Variants in FTCDNL1 observed in about 807,000 individuals in gnomAD.
The protein encoded by FTCDNL1 is formiminotransferase cyclodeaminase N-terminal like.
A neutral mutation model predicts 5.9 loss-of-function variants in FTCDNL1; 11 were observed. The observed-to-expected ratio is 1.87, with a 90% CI of 1.18 to 3.10. The LOEUF (loss-of-function observed/expected upper bound fraction) is 3.10. Among genes scored for constraint, FTCDNL1 ranks in the 30% most tolerant of loss-of-function variants. The pLI is 0.00. For missense variants in FTCDNL1, 115 were observed against 65.5 expected, an observed-to-expected ratio of 1.76 and a Z score of -2.61; for synonymous variants, 58 against 24.8, an observed-to-expected ratio of 2.34 and a Z score of -3.99.
the FTCDNL1 span, among the ~76,000 whole-genome samples, chr2:199,698,793 G>A: frequency 6.6e-6 from 1 of 151,976 alleles, no homozygotes; most frequent in South Asian, 2.1e-4. Flanking sequence ...GAACAAAATG[G>A]GGCAAGAAAA....
chr2:199,666,970 G>A, the FTCDNL1 span, among the ~76,000 whole-genome samples: 1 of 151,416 alleles, frequency 6.6e-6, no homozygotes, highest in Non-Finnish European at 1.5e-5. Flanking sequence ...GCTTTTCCTT[G>A]GTGGAGTTTT....
chr2:199,803,094 TGAG>T (rs761210215), intron 3 of FTCDNL1, among the ~76,000 whole-genome samples: 1 of 146,942 alleles, frequency 6.8e-6, no homozygotes, highest in Non-Finnish European at 1.5e-5. Flanking sequence ...CTCGGGAGGC[TGAG>T]GTGCAAGGAT....
At chr2:199,786,006 G>A (rs1440449178) in intron 3 of FTCDNL1, among the ~76,000 whole-genome samples, 2 of 152,118 alleles carry the variant, frequency 1.3e-5, no homozygotes, top group East Asian at 1.9e-4. Context: ...AATAGAGTTC[G>A]TGCTCCTATT....
At position 199,803,459 on chromosome 2, in the gene FTCDNL1, TG is replaced by T. The variant is rs1277615122; in HGVS notation, c.211+42615del. Among the ~76,000 whole-genome samples the T allele has an allele frequency of 4.2e-4, 10 of 23,664 alleles. No individual in the cohort carries two copies. In the East Asian group the frequency reaches 0.033, roughly 78 times the overall value. The allele number at this position is 23,664 out of a possible 152,430, so 15.5% of individuals were successfully genotyped here. On this transcript the variant is annotated intron_variant, in intron 3 of 3. Coordinates refer to the FTCDNL1 transcript ENST00000416668. ...CCAAGGTTATTGTTTTGTTTTGTTT[TG>T]GTTTGGTTTGGTTTGGTTTGGTTTG...
the FTCDNL1 span, among the ~76,000 whole-genome samples, chr2:199,738,688 CT>C: frequency 2.6e-5 from 4 of 152,194 alleles, no homozygotes; most frequent in African/African-American, 9.7e-5. Flanking sequence ...AATTCCTTAA[CT>C]CTTAAGAAAG....
chr2:199,782,821 G>A (rs574801740), intron 3 of FTCDNL1, among the ~76,000 whole-genome samples: 3 of 152,172 alleles, frequency 2.0e-5, no homozygotes, highest in African/African-American at 7.2e-5. Context: ...AGTCATTCAC[G>A]ATTTTGCAGG....
At chr2:199,734,467 A>G in the FTCDNL1 span, among the ~76,000 whole-genome samples, 1 of 152,234 alleles carries the variant, frequency 6.6e-6, no homozygotes, top group Non-Finnish European at 1.5e-5. Flanking sequence ...TGTAGGCAGG[A>G]TATTTGGAGA....
At chr2:199,719,828 G>C in the FTCDNL1 span, among the ~76,000 whole-genome samples, 1 of 151,958 alleles carries the variant, frequency 6.6e-6, no homozygotes, top group African/African-American at 2.4e-5. Flanking sequence ...GTAGATAGGA[G>C]GGTCGCCATC....
At chr2:199,828,526 G>A (rs1254335019) in intron 3 of FTCDNL1, among the ~76,000 whole-genome samples, 2 of 152,152 alleles carry the variant, frequency 1.3e-5, no homozygotes, top group Non-Finnish European at 2.9e-5. Flanking sequence ...CCAAACTTGA[G>A]CTTGTGAAAG....
chr2:199,821,329 T>A lies in FTCDNL1; in HGVS notation c.212-1572A>T, dbSNP rs1477612476. Among the ~76,000 whole-genome samples, 7 of 151,238 alleles carry A rather than the reference T, an allele frequency of 4.6e-5. No individual in the cohort carries two copies. In the South Asian group the frequency reaches 1.3e-3, roughly 27 times the overall value. On this transcript the variant is annotated intron_variant, in intron 3 of 4. Coordinates refer to ENST00000420128, the MANE Select transcript of FTCDNL1 (RefSeq NM_001363886.2). ...CAAGCCTGGCTAATTTTTTTTTTTTTTTTTTTTTTTTTAGTAGACACAGGG... is the reference window on the plus strand; with the variant it reads ...CAAGCCTGGCTAATTTTTTTTTTTTATTTTTTTTTTTTAGTAGACACAGGG...
the FTCDNL1 span, among the ~76,000 whole-genome samples, chr2:199,740,801 G>C: frequency 6.6e-6 from 1 of 152,172 alleles, no homozygotes; most frequent in African/African-American, 2.4e-5. Flanking sequence ...GGCAGTCCTG[G>C]GGAGAGCTAA....
chr2:199,726,837 T>C, the FTCDNL1 span, among the ~76,000 whole-genome samples: 2 of 152,150 alleles, frequency 1.3e-5, no homozygotes, highest in Admixed American at 6.5e-5. Flanking sequence ...GGAACACTCC[T>C]GTATAAGGTG....
the FTCDNL1 span, among the ~76,000 whole-genome samples, chr2:199,736,836 T>C: frequency 2.0e-5 from 3 of 152,292 alleles, no homozygotes; most frequent in South Asian, 2.1e-4. Context: ...AAAGCAATAG[T>C]CAATTGAACT....
intron 3 of FTCDNL1, among the ~76,000 whole-genome samples, chr2:199,833,715 C>G (rs1028770175): frequency 6.6e-6 from 1 of 152,178 alleles, no homozygotes; most frequent in Non-Finnish European, 1.5e-5. Flanking sequence ...GTGTGTTCAG[C>G]TCTCAAGCCT....
chr2:199,697,532 GT>G, the FTCDNL1 span, among the ~76,000 whole-genome samples: 2 of 152,088 alleles, frequency 1.3e-5, no homozygotes, highest in African/African-American at 4.8e-5. Context: ...GCCAAACTAA[GT>G]TTCATAAGCA....
Position 199,781,241 on chromosome 2 carries a change from T to G in FTCDNL1, c.212-20406A>C, listed in dbSNP as rs563143172. Reference sequence around the variant, plus strand: ...AAACCATTACCTATATGTACATATTTATTCTTCTCTAAGGCAAAATTCTCA... The same window carrying G: ...AAACCATTACCTATATGTACATATTGATTCTTCTCTAAGGCAAAATTCTCA... On this transcript the variant is annotated intron_variant, in intron 3 of 3. Coordinates refer to the FTCDNL1 transcript ENST00000416668. Among the ~76,000 whole-genome samples the G allele has an allele frequency of 2.4e-4, 36 of 152,342 alleles. 1 individual carries two copies. In the South Asian group the frequency reaches 7.0e-3, roughly 30 times the overall value.
chr2:199,737,997 G>A, the FTCDNL1 span, among the ~76,000 whole-genome samples: 1 of 152,194 alleles, frequency 6.6e-6, no homozygotes, highest in Non-Finnish European at 1.5e-5. Context: ...CACGGCACAG[G>A]CTCACGGAGC....
chr2:199,722,961 T>A, the FTCDNL1 span, among the ~76,000 whole-genome samples: 6 of 151,810 alleles, frequency 4.0e-5, no homozygotes, highest in Non-Finnish European at 7.4e-5. Flanking sequence ...TGTGATTTTT[T>A]TTTCAATTTT....
chr2:199,684,863 A>T, the FTCDNL1 span, among the ~76,000 whole-genome samples: 2 of 152,206 alleles, frequency 1.3e-5, no homozygotes, highest in Admixed American at 6.5e-5. Flanking sequence ...ATAAATGTAT[A>T]TTCTCAAAAA....
Sources: allele counts gnomAD v4.1 joint callset (sites outside exome capture counted in the v4.1 genomes callset), GRCh38; gene constraint gnomAD v4.1.1; transcripts MANE v1.5; gene names NCBI Gene and HGNC (gene_info 2026-07-23, HGNC 2026-07-21).